COL19A1: variants seen among roughly 807,000 people sequenced by gnomAD.
COL19A1 encodes the protein collagen alpha-1(XIX) chain.
A neutral mutation model predicts 190.2 loss-of-function variants in COL19A1; 159 were observed. The ratio of observed to expected loss-of-function variants is 0.84; its 90% CI spans 0.73 to 0.95. COL19A1 has a LOEUF of 0.95. Among genes scored for constraint, COL19A1 ranks in the 40% least tolerant of loss-of-function variants. The probability of loss-of-function intolerance (pLI) is 0.00; values close to 1 mark genes in which losing one functional copy is unlikely to be tolerated. For missense variants in COL19A1, 1,418 were observed against 1,431.9 expected (o/e 0.99, Z 0.16); for synonymous variants, 509 against 458.9 (o/e 1.11, Z -1.39).
chr6:69,898,444 C>CT (rs1013371660), intron 2 of COL19A1, among the ~76,000 whole-genome samples: 1 of 151,988 alleles, frequency 6.6e-6, no homozygotes, highest in East Asian at 1.9e-4. Flanking sequence ...GATTTTATTT[C>CT]TTTTTTTAAA....
At chr6:70,059,867 G>A in intron 14 of COL19A1, 2 of 452,802 alleles carry the variant, frequency 4.4e-6, no homozygotes, top group Non-Finnish European at 8.9e-6. Flanking sequence ...AGCAGACTAA[G>A]TAAATTAAAA....
At chr6:70,099,949 T>C (rs1783521349) in intron 15 of COL19A1, among the ~76,000 whole-genome samples, 1 of 152,202 alleles carries the variant, frequency 6.6e-6, no homozygotes, top group Non-Finnish European at 1.5e-5. Context: ...CCTCACCATA[T>C]CCTGAATCTT....
At chr6:69,922,884 C>T (rs893740938) in intron 4 of COL19A1, among the ~76,000 whole-genome samples, 5 of 152,030 alleles carry the variant, frequency 3.3e-5, no homozygotes, top group Admixed American at 2.6e-4. Flanking sequence ...AGATAAAGTG[C>T]CCTGTTGGGA....
intron 11 of COL19A1, among the ~76,000 whole-genome samples, chr6:69,989,994 A>G (rs1776529444): frequency 6.6e-6 from 1 of 152,100 alleles, no homozygotes; most frequent in Non-Finnish European, 1.5e-5. Flanking sequence ...TCTTGTTAAG[A>G]AAATTCTCAT....
At chr6:69,875,050 T>C (rs1427674331) in intron 1 of COL19A1, among the ~76,000 whole-genome samples, 1 of 152,160 alleles carries the variant, frequency 6.6e-6, no homozygotes, top group African/African-American at 2.4e-5. Context: ...AACTTAGAAT[T>C]GAGTGGGGAG....
At chr6:70,066,891 G>T (rs12110927) in intron 14 of COL19A1, among the ~76,000 whole-genome samples, 8,677 of 152,070 alleles carry the variant, frequency 0.057, 829 homozygotes, top group African/African-American at 0.2. Flanking sequence ...GATGATGGGT[G>T]AATTATAAAT....
intron 2 of COL19A1, among the ~76,000 whole-genome samples, chr6:69,895,673 G>T (rs2096061): frequency 6.6e-6 from 1 of 152,080 alleles, no homozygotes; most frequent in Non-Finnish European, 1.5e-5. Context: ...ACCTCAGTGG[G>T]CGGGCTGGTT....
intron 11 of COL19A1, among the ~76,000 whole-genome samples, chr6:70,021,378 G>A (rs912054712): frequency 6.6e-6 from 1 of 152,076 alleles, no homozygotes; most frequent in African/African-American, 2.4e-5. Context: ...TTAATATGTA[G>A]AGTTGCTTAT....
At chr6:70,148,951 A>G (rs1786855943) in intron 27 of COL19A1, among the ~76,000 whole-genome samples, 1 of 151,820 alleles carries the variant, frequency 6.6e-6, no homozygotes, top group Non-Finnish European at 1.5e-5. Flanking sequence ...AAAGAAAATT[A>G]TTAGGGAAGT....
intron 11 of COL19A1, among the ~76,000 whole-genome samples, chr6:69,963,896 C>T (rs1363902915): frequency 6.6e-6 from 1 of 152,176 alleles, no homozygotes. Context: ...ATTGAAAGTA[C>T]AGAGAATAGA....
At chr6:69,890,946 G>T in intron 2 of COL19A1, 1 of 205,766 alleles carries the variant, frequency 4.9e-6, no homozygotes, top group Non-Finnish European at 1.0e-5. Flanking sequence ...CCTGCTGACA[G>T]GGGTTGCTGT....
chr6:70,093,679 A>T (rs1783067653), intron 15 of COL19A1, among the ~76,000 whole-genome samples: 1 of 152,192 alleles, frequency 6.6e-6, no homozygotes, highest in Non-Finnish European at 1.5e-5. Flanking sequence ...TTATAACAGC[A>T]AAATAACCTA....
At chr6:70,112,571 C>T (rs1784344109) in intron 16 of COL19A1, among the ~76,000 whole-genome samples, 1 of 152,042 alleles carries the variant, frequency 6.6e-6, no homozygotes, top group Non-Finnish European at 1.5e-5. Flanking sequence ...GTGGGCTTTA[C>T]ACCAATTAGG....
intron 15 of COL19A1, among the ~76,000 whole-genome samples, chr6:70,081,194 G>A (rs1782225648): frequency 6.6e-6 from 1 of 152,100 alleles, no homozygotes; most frequent in Non-Finnish European, 1.5e-5. Flanking sequence ...CATTCAGTAG[G>A]ATGGGCTTTA....
At chr6:70,141,078 A>G in intron 20 of COL19A1, 89 bp downstream of exon 20, 1 of 1,173,512 alleles carries the variant, frequency 8.5e-7, no homozygotes, top group East Asian at 2.4e-5. Context: ...TTGGAGTCTA[A>G]TAGATTTGAT....
At chr6:70,082,657 T>C (rs1033104859) in intron 15 of COL19A1, among the ~76,000 whole-genome samples, 15 of 152,294 alleles carry the variant, frequency 9.8e-5, no homozygotes, top group African/African-American at 3.6e-4. Context: ...GTGATCCATC[T>C]GCCTTGGCCT....
rs34634051 is a variant in COL19A1 at position 70,206,634 on chromosome 6, CAA to C, written c.3224-247_3224-246del. Among the ~76,000 whole-genome samples, 25,440 of 101,274 alleles carry C rather than the reference CAA, an allele frequency of 0.25. 1,791 individuals carry two copies. The highest frequency in any genetic ancestry group is 0.4 in the East Asian group (1,442 of 3,566). The allele number at this position is 101,274 out of a possible 152,430, so 66.4% of individuals were successfully genotyped here. ...TGAGTGACAGAGCAGGACTCTGTCT[CAA>C]AAAAAAAAAAAAAAAAAAAGTTTGA... On this transcript the variant is annotated intron_variant, in intron 49 of 50. Coordinates refer to ENST00000620364, the MANE Select transcript of COL19A1 (RefSeq NM_001858.6).
chr6:69,920,989 TATTCA>T (rs368379718), intron 4 of COL19A1, among the ~76,000 whole-genome samples: 1 of 77,510 alleles, frequency 1.3e-5, no homozygotes, highest in Non-Finnish European at 2.2e-5. Flanking sequence ...TTCATATATA[TATTCA>T]TATATATATC....
intron 37 of COL19A1, among the ~76,000 whole-genome samples, chr6:70,166,838 G>A (rs810561): frequency 0.03 from 4,609 of 151,218 alleles, 237 homozygotes; most frequent in African/African-American, 0.11. Context: ...AAGCAGGACG[G>A]AAAGTATTAG....
Sources: gnomAD v4.1 joint callset for allele counts (sites outside exome capture counted in the v4.1 genomes callset) on GRCh38, gnomAD v4.1.1 for gene constraint, MANE v1.5 for transcripts, NCBI Gene and HGNC (gene_info 2026-07-23, HGNC 2026-07-21) for gene names.